TMEM117: variants seen among roughly 807,000 people sequenced by gnomAD.
The protein encoded by TMEM117 is transmembrane protein 117.
In TMEM117, 27 loss-of-function variants were observed where a neutral mutation model predicts 52.4. That is an observed-to-expected ratio of 0.51 (90% CI 0.38 to 0.71). TMEM117 has a LOEUF of 0.71. Ranked by LOEUF, TMEM117 falls within the 30% of genes least tolerant of loss-of-function variation. TMEM117 has a pLI of 0.00. For synonymous variants in TMEM117, 215 were observed against 206.3 expected, an observed-to-expected ratio of 1.04 and a Z score of -0.36; for missense variants, 556 against 630.5, an observed-to-expected ratio of 0.88 and a Z score of 1.26.
intron 2 of TMEM117, among the ~76,000 whole-genome samples, chr12:43,940,759 G>A (rs1486098524): frequency 6.6e-6 from 1 of 152,114 alleles, no homozygotes; most frequent in Non-Finnish European, 1.5e-5. Context: ...AGCCAGGCTG[G>A]TCTCGAACTC....
intron 3 of TMEM117, among the ~76,000 whole-genome samples, chr12:43,949,085 A>G (rs910524617): frequency 6.6e-6 from 1 of 152,228 alleles, no homozygotes. Flanking sequence ...TGTTAGCAGC[A>G]CTGAATCCAT....
At chr12:44,348,357 TCTAA>T (rs1951517828) in intron 6 of TMEM117, among the ~76,000 whole-genome samples, 5 of 151,894 alleles carry the variant, frequency 3.3e-5, no homozygotes, top group African/African-American at 1.2e-4. Flanking sequence ...CCCTCAAACT[TCTAA>T]CTATGTCTTG....
rs137919128 is a variant in TMEM117, at chr12:43,862,313, C to T, written c.277+17385C>T. ...CCACGGGAGTAGATGGGACTACAGG[C>T]GCCCGCCACCATGCCCAGCTAATTT... On this transcript the variant is annotated intron_variant, in intron 2 of 7. Transcript: ENST00000266534. Among the ~76,000 whole-genome samples, 1,273 of 152,258 alleles carry T rather than the reference C, an allele frequency of 8.4e-3. 17 individuals are homozygous for T. The highest frequency in any genetic ancestry group is 0.028 in the African/African-American group (1,156 of 41,534).
At chr12:44,063,149 A>G (rs1364622894) in intron 3 of TMEM117, among the ~76,000 whole-genome samples, 1 of 152,182 alleles carries the variant, frequency 6.6e-6, no homozygotes, top group African/African-American at 2.4e-5. Context: ...TGAAAATCCT[A>G]TCTCCCAAGA....
At chr12:43,991,421 C>T (rs1446910320) in intron 3 of TMEM117, among the ~76,000 whole-genome samples, 1 of 146,658 alleles carries the variant, frequency 6.8e-6, no homozygotes, top group African/African-American at 2.5e-5. Flanking sequence ...AATAACCAAT[C>T]CACAAATATT....
At chr12:44,251,464 T>C (rs557602982) in intron 5 of TMEM117, among the ~76,000 whole-genome samples, 1 of 152,304 alleles carries the variant, frequency 6.6e-6, no homozygotes, top group African/African-American at 2.4e-5. Context: ...GCTTATAAGA[T>C]GATAGATTTA....
At chr12:44,097,721 G>T (rs113825270) in intron 3 of TMEM117, among the ~76,000 whole-genome samples, 1 of 135,134 alleles carries the variant, frequency 7.4e-6, no homozygotes, top group East Asian at 2.0e-4. Flanking sequence ...GTTGTGGGGT[G>T]GGGGGATGGG....
intron 5 of TMEM117, among the ~76,000 whole-genome samples, chr12:44,238,654 A>G (rs1230809858): frequency 6.6e-6 from 1 of 152,056 alleles, no homozygotes; most frequent in African/African-American, 2.4e-5. Flanking sequence ...CTAAACAACA[A>G]CAACAACAAC....
chr12:43,906,238 G>A (rs537386412), intron 2 of TMEM117, among the ~76,000 whole-genome samples: 13 of 152,114 alleles, frequency 8.5e-5, no homozygotes, highest in Non-Finnish European at 1.8e-4. Context: ...TGAGGAAGGT[G>A]GATCTCTCGA....
At chr12:44,105,889 T>G (rs1322918574) in intron 3 of TMEM117, among the ~76,000 whole-genome samples, 3 of 152,068 alleles carry the variant, frequency 2.0e-5, no homozygotes, top group Non-Finnish European at 4.4e-5. Flanking sequence ...TATAAGGGTG[T>G]TTTAAAGCAA....
At chr12:43,864,545 A>G (rs534902110) in intron 2 of TMEM117, among the ~76,000 whole-genome samples, 7 of 152,280 alleles carry the variant, frequency 4.6e-5, no homozygotes, top group African/African-American at 9.6e-5. Flanking sequence ...AAATACACCA[A>G]TCAGCACTCT....
chr12:43,993,332 C>G (rs569386212), intron 3 of TMEM117, among the ~76,000 whole-genome samples: 1 of 152,304 alleles, frequency 6.6e-6, no homozygotes, highest in South Asian at 2.1e-4. Flanking sequence ...ACACCTGGCA[C>G]AGTGCCTGGC....
chr12:43,829,299 C>A, the TMEM117 span, among the ~76,000 whole-genome samples: 1 of 152,200 alleles, frequency 6.6e-6, no homozygotes, highest in Non-Finnish European at 1.5e-5. Flanking sequence ...TCATCTGTAA[C>A]CTTGCATTAC....
At chr12:44,154,827 C>T (rs373509360) in intron 4 of TMEM117, among the ~76,000 whole-genome samples, 1 of 150,912 alleles carries the variant, frequency 6.6e-6, no homozygotes, top group African/African-American at 2.4e-5. Context: ...GCAGAATATT[C>T]CTGGTACTTC....
chr12:44,039,866 A>C (rs1946769971), intron 3 of TMEM117, among the ~76,000 whole-genome samples: 1 of 152,120 alleles, frequency 6.6e-6, no homozygotes, highest in African/African-American at 2.4e-5. Context: ...GATAACAAAG[A>C]GTTTTATCTG....
intron 4 of TMEM117, among the ~76,000 whole-genome samples, chr12:44,199,840 G>A (rs957733459): frequency 1.3e-5 from 2 of 152,208 alleles, no homozygotes; most frequent in African/African-American, 2.4e-5. Context: ...CTTAGCAGCC[G>A]GGCTTGGTGG....
intron 5 of TMEM117, among the ~76,000 whole-genome samples, chr12:44,263,305 C>T (rs557923053): frequency 6.6e-6 from 1 of 152,068 alleles, no homozygotes; most frequent in African/African-American, 2.4e-5. Context: ...CAATGAGATA[C>T]CATCTCACGC....
intron 3 of TMEM117, among the ~76,000 whole-genome samples, chr12:43,974,077 A>T (rs1483124517): frequency 6.6e-6 from 1 of 152,192 alleles, no homozygotes; most frequent in African/African-American, 2.4e-5. Flanking sequence ...GATTAAATTG[A>T]ATCAAGTAAC....
intron 3 of TMEM117, among the ~76,000 whole-genome samples, chr12:44,031,208 G>T (rs1421286867): frequency 6.6e-6 from 1 of 152,142 alleles, no homozygotes; most frequent in Non-Finnish European, 1.5e-5. Flanking sequence ...CTATTGATAT[G>T]TGTTGAAAAT....
Sources: gnomAD v4.1 joint callset for allele counts (sites outside exome capture counted in the v4.1 genomes callset) on GRCh38, gnomAD v4.1.1 for gene constraint, MANE v1.5 for transcripts, NCBI Gene and HGNC (gene_info 2026-07-23, HGNC 2026-07-21) for gene names.